RIMS1: variants seen among roughly 807,000 people sequenced by gnomAD.
RIMS1 encodes regulating synaptic membrane exocytosis 1, also known as regulating synaptic membrane exocytosis protein 1.
RIMS1 carries 83 observed loss-of-function variants against 214.1 expected under a neutral mutation model. The observed-to-expected ratio is 0.39, with a 90% CI of 0.32 to 0.47. RIMS1 has a LOEUF of 0.47. RIMS1 is among the 20% of genes least tolerant of loss of function. RIMS1 has a pLI of 0.99. For missense variants in RIMS1, 2,050 were observed against 2,161.8 expected, an observed-to-expected ratio of 0.95 and a Z score of 1.03; for synonymous variants, 793 against 786.8, an observed-to-expected ratio of 1.01 and a Z score of -0.13.
At chr6:72,112,175 A>G (rs1404805348) in intron 4 of RIMS1, among the ~76,000 whole-genome samples, 1 of 152,072 alleles carries the variant, frequency 6.6e-6, no homozygotes, top group Non-Finnish European at 1.5e-5. Context: ...CATCCAATTC[A>G]TCAGGAATTT....
In RIMS1 at chr6:71,995,547, G is replaced by A. The variant is rs114179770; in HGVS notation, c.245+26484G>A. Reference sequence around the variant, plus strand: ...TTGTGTGTGTGTGTTTACTGGATGTGTTCTAGATTATCTTCTTTGTATTAG... The same window carrying A: ...TTGTGTGTGTGTGTTTACTGGATGTATTCTAGATTATCTTCTTTGTATTAG... On this transcript the variant is annotated intron_variant, in intron 2 of 33. Coordinates refer to ENST00000521978, the MANE Select transcript of RIMS1 (RefSeq NM_014989.7). Among the ~76,000 whole-genome samples, 1,128 of 151,558 alleles carry A rather than the reference G, an allele frequency of 7.4e-3. 11 individuals are homozygous for A. Among genetic ancestry groups the A allele is most frequent in the African/African-American group, 0.026 (1,064 of 41,326 alleles).
intron 4 of RIMS1, among the ~76,000 whole-genome samples, chr6:72,110,602 G>A (rs1449530575): frequency 6.7e-6 from 1 of 149,348 alleles, no homozygotes; most frequent in South Asian, 2.2e-4. Flanking sequence ...GAGATTTTGG[G>A]CTGAGACAAT....
At chr6:72,237,326 G>A (rs528902066) in intron 8 of RIMS1, among the ~76,000 whole-genome samples, 3 of 152,088 alleles carry the variant, frequency 2.0e-5, no homozygotes, top group African/African-American at 7.2e-5. Flanking sequence ...AGGACACATA[G>A]TCATCTCAAA....
Position 72,251,010 on chromosome 6 carries a change from G to T in RIMS1, c.2462G>T (p.Arg821Ile). 1 of 1,570,012 alleles carries T rather than the reference G, an allele frequency of 6.4e-7. No individual in the cohort carries two copies. Among genetic ancestry groups the T allele is most frequent in the African/African-American group, 1.4e-5 (1 of 73,972 alleles). Reference sequence around the variant, plus strand: ...TTTGTCTATTCACATGTACATCGTAGAGATTTTAGAGAACGAATGTTAGAA... The same window carrying T: ...TTTGTCTATTCACATGTACATCGTATAGATTTTAGAGAACGAATGTTAGAA... ...QTFVYSHVHR[R>I]DFRERMLEIT... is the part of the protein sequence containing the mutation. Residue 821 changes from arginine to isoleucine, a missense_variant, in exon 14 of 34, where the codon AGA becomes ATA. By Grantham distance (97) the Arg-to-Ile change is moderately conservative (BLOSUM62 -3). This residue lies in a region of RIMS1 where 889 missense variants were observed against 885.5 expected (regional missense o/e 1.00). Transcript: ENST00000521978.
chr6:72,028,634 TAA>T (rs1817225528), intron 2 of RIMS1, among the ~76,000 whole-genome samples: 1 of 152,308 alleles, frequency 6.6e-6, no homozygotes. Context: ...AACTCCCTGC[TAA>T]AAAGACAAAC....
intron 6 of RIMS1, among the ~76,000 whole-genome samples, chr6:72,193,466 A>C (rs1358719721): frequency 6.6e-6 from 1 of 152,230 alleles, no homozygotes; most frequent in East Asian, 1.9e-4. Context: ...AAAATGAAAC[A>C]CAAAGAGCAA....
At chr6:72,294,418 C>T (rs964450162) in intron 26 of RIMS1, among the ~76,000 whole-genome samples, 1 of 151,630 alleles carries the variant, frequency 6.6e-6, no homozygotes, top group African/African-American at 2.4e-5. Context: ...GACTTCCTTC[C>T]CATTTTTTAA....
intron 4 of RIMS1, among the ~76,000 whole-genome samples, chr6:72,114,146 G>GA (rs912750671): frequency 6.6e-6 from 1 of 152,024 alleles, no homozygotes; most frequent in African/African-American, 2.4e-5. Context: ...GATGATTAGA[G>GA]AAAATGAGGA....
At chr6:72,196,071 AAGATGAGATTTGGGTGGGG>A (rs1051079993) in intron 6 of RIMS1, among the ~76,000 whole-genome samples, 1 of 152,114 alleles carries the variant, frequency 6.6e-6, no homozygotes, top group Non-Finnish European at 1.5e-5. Flanking sequence ...ATTACAATTC[AAGATGAGATTTGGGTGGGG>A]ACACAAAGCC....
At chr6:72,132,727 A>C (rs1365601561) in intron 4 of RIMS1, among the ~76,000 whole-genome samples, 3 of 152,148 alleles carry the variant, frequency 2.0e-5, no homozygotes, top group Non-Finnish European at 4.4e-5. Context: ...GACTCATTTA[A>C]ATGTAAATTT....
At chr6:72,007,481 T>G (rs929501487) in intron 2 of RIMS1, among the ~76,000 whole-genome samples, 4 of 152,200 alleles carry the variant, frequency 2.6e-5, no homozygotes, top group Non-Finnish European at 5.9e-5. Context: ...GGATAATGAC[T>G]TTGACGAGCT....
intron 2 of RIMS1, among the ~76,000 whole-genome samples, chr6:72,026,406 T>C (rs1018746957): frequency 5.9e-5 from 9 of 151,742 alleles, no homozygotes; most frequent in Non-Finnish European, 5.9e-5. Context: ...TAGCCTGGCA[T>C]TGTAGACTCA....
At chr6:71,914,830 A>G (rs1168094079) in intron 1 of RIMS1, among the ~76,000 whole-genome samples, 1 of 152,124 alleles carries the variant, frequency 6.6e-6, no homozygotes, top group African/African-American at 2.4e-5. Flanking sequence ...AACAAATCAA[A>G]TGTTAAGAAA....
At chr6:72,261,777 CT>C in intron 19 of RIMS1, 1 of 985,178 alleles carries the variant, frequency 1.0e-6, no homozygotes, top group South Asian at 4.7e-5. Flanking sequence ...ATTGTTTGAA[CT>C]TTTTACAGTC....
intron 2 of RIMS1, among the ~76,000 whole-genome samples, chr6:72,003,009 A>G (rs559175564): frequency 3.3e-5 from 5 of 152,272 alleles, no homozygotes; most frequent in Non-Finnish European, 7.3e-5. Flanking sequence ...GCCACTAATG[A>G]AATATCCATT....
chr6:72,021,298 G>A (rs1285190366), intron 2 of RIMS1, among the ~76,000 whole-genome samples: 2 of 152,132 alleles, frequency 1.3e-5, no homozygotes, highest in Non-Finnish European at 2.9e-5. Context: ...GTTGTTTAGT[G>A]CAAATATACT....
chr6:72,004,460 G>T (rs1472809952), intron 2 of RIMS1, among the ~76,000 whole-genome samples: 1 of 151,950 alleles, frequency 6.6e-6, no homozygotes, highest in Admixed American at 6.6e-5. Context: ...CTTCCACAAT[G>T]GTTGAAGTAG....
chr6:72,035,167 A>C (rs563336227), intron 2 of RIMS1, among the ~76,000 whole-genome samples: 86 of 152,270 alleles, frequency 5.6e-4, no homozygotes, highest in African/African-American at 1.9e-3. Flanking sequence ...GGCTGTAGTA[A>C]GAATTTATGA....
chr6:71,907,914 C>G (rs1012216732), intron 1 of RIMS1, among the ~76,000 whole-genome samples: 1 of 152,176 alleles, frequency 6.6e-6, no homozygotes, highest in African/African-American at 2.4e-5. Flanking sequence ...CTGGAAATGA[C>G]TTAAAAAGGA....
Sources: gnomAD v4.1 joint callset for allele counts (sites outside exome capture counted in the v4.1 genomes callset) on GRCh38, gnomAD v4.1.1 for gene constraint, gnomAD v4.1.1 regional missense constraint, MANE v1.5 for transcripts, NCBI Gene and HGNC (gene_info 2026-07-23, HGNC 2026-07-21) for gene names.